The following IGF2R variants were observed in gnomAD, a reference collection of about 807,000 sequenced individuals.
IGF2R encodes insulin like growth factor 2 receptor, also known as cation-independent mannose-6-phosphate receptor.
Under a neutral mutation model 270.6 loss-of-function variants are expected in IGF2R, and 91 were observed. That is an observed-to-expected ratio of 0.34 (90% CI 0.28 to 0.40). IGF2R has a LOEUF of 0.40. IGF2R is among the 10% of genes least tolerant of loss of function. The pLI, the probability that IGF2R is intolerant of heterozygous loss-of-function variation, is 1.00. For synonymous variants in IGF2R, 1,316 were observed against 1,258.9 expected (o/e 1.05, Z -0.96); for missense variants, 2,805 against 3,188.3 (o/e 0.88, Z 2.90).
rs1778681024 is a variant in IGF2R at position 160,070,037 on chromosome 6, C to T, written c.4422C>T (p.Phe1474=). The T allele has an allele frequency of 6.2e-7, 1 of 1,614,206 alleles. No homozygotes were observed. ...GIRKKSTTIR[F]TCSESQVNSR... is the part of the protein sequence containing the mutation. ...GGAAAAAGTCAACCACCATCCGATT[C>T]ACCTGCAGCGAGAGCCAAGTGGTAA... The change falls in exon 31 of 48, where the codon TTC becomes TTT. Residue 1474 remains phenylalanine, a synonymous_variant. Coordinates refer to ENST00000356956, the MANE Select transcript of IGF2R (RefSeq NM_000876.4).
intron 2 of IGF2R, among the ~76,000 whole-genome samples, chr6:160,001,823 C>A (rs955992597): frequency 2.0e-5 from 3 of 152,082 alleles, no homozygotes; most frequent in Non-Finnish European, 4.4e-5. Flanking sequence ...ATATTTGGTC[C>A]CATTTGCAAC....
chr6:159,975,799 GT>G (rs1188755439), intron 1 of IGF2R, among the ~76,000 whole-genome samples: 4 of 145,554 alleles, frequency 2.7e-5, no homozygotes, highest in Admixed American at 2.1e-4. Context: ...ATAATATATA[GT>G]TATATATAAT....
At position 160,027,215 on chromosome 6, in the gene IGF2R, G is replaced by A. The variant is rs572853661; in HGVS notation, c.677G>A (p.Arg226Gln). The A allele has an allele frequency of 2.6e-5, 42 of 1,614,220 alleles. No homozygotes were observed. The highest frequency in any genetic ancestry group is 9.3e-5 in the African/African-American group (7 of 75,050). The change falls in exon 6 of 48, where the codon CGG (arginine) becomes CAG (glutamine). Residue 226 changes from arginine to glutamine, a missense_variant. By Grantham distance (43) the Arg-to-Gln change is conservative. Coordinates refer to ENST00000356956, the MANE Select transcript of IGF2R (RefSeq NM_000876.4). ...CTACGAGACCCAGGTTCACAGCTGC[G>A]GGCCTGTCCCCCCGGCACTGCCGCC... is the stretch of plus-strand genomic sequence containing the variant. ...DTLRDPGSQL[R>Q]ACPPGTAACL...
At chr6:160,072,665 C>A in intron 32 of IGF2R, 100 bp from the exon 33 acceptor site, 1 of 1,346,032 alleles carries the variant, frequency 7.4e-7, no homozygotes, top group Middle Eastern at 1.8e-4. Context: ...AGTCAGAAGT[C>A]CCGATGCTGA....
chr6:160,054,591 C>T (rs1242926266), intron 19 of IGF2R, among the ~76,000 whole-genome samples: 2 of 152,088 alleles, frequency 1.3e-5, no homozygotes, highest in African/African-American at 4.8e-5. Context: ...TAGTGGTTAA[C>T]GAGGAAAGGG....
rs1449500077 is a variant in IGF2R at position 160,079,699 on chromosome 6, T to C, written c.5598T>C (p.Phe1866=). 1 of 1,526,518 alleles carries C rather than the reference T, an allele frequency of 6.6e-7. No individual in the cohort carries two copies. The highest frequency in any genetic ancestry group is 8.8e-7 in the Non-Finnish European group (1 of 1,138,860). 94.6% of individuals were successfully genotyped at this position (1,526,518 alleles called of 1,614,324 possible). Residue 1866 remains phenylalanine (F), a synonymous_variant, in exon 38 of 48, where the codon TTT becomes TTC. Transcript: ENST00000356956. ...CLLSGTKGAS[F]GRLQSMKLDY... ...TCTCAGGCACCAAGGGGGCATCCTTTGGACGGCTGCAATCAATGAAACTGG... is the reference window on the plus strand; with the variant it reads ...TCTCAGGCACCAAGGGGGCATCCTTCGGACGGCTGCAATCAATGAAACTGG...
At chr6:160,089,384 G>A (rs904649458) in intron 43 of IGF2R, 131 bp downstream of exon 43, 5 of 749,066 alleles carry the variant, frequency 6.7e-6, no homozygotes, top group Admixed American at 3.3e-5. Context: ...TGGAGTCATC[G>A]TCATCTTTTG....
At chr6:160,042,747 A>G (rs780684883) in intron 11 of IGF2R, among the ~76,000 whole-genome samples, 1 of 152,276 alleles carries the variant, frequency 6.6e-6, no homozygotes, top group Middle Eastern at 3.4e-3. Context: ...AGCGGGGTGT[A>G]TTAGCAATGG....
intron 2 of IGF2R, among the ~76,000 whole-genome samples, chr6:159,995,673 T>C (rs1466532745): frequency 6.6e-6 from 1 of 152,140 alleles, no homozygotes; most frequent in Non-Finnish European, 1.5e-5. Flanking sequence ...TTCTGGAATT[T>C]CTGTCTGGTT....
chr6:159,979,967 G>A (rs1229004205), intron 1 of IGF2R, among the ~76,000 whole-genome samples: 2 of 152,086 alleles, frequency 1.3e-5, no homozygotes, highest in Non-Finnish European at 2.9e-5. Flanking sequence ...CGAGGCGGGT[G>A]GATCACGAGG....
At chr6:159,989,713 G>A (rs891746443) in intron 1 of IGF2R, among the ~76,000 whole-genome samples, 2 of 152,194 alleles carry the variant, frequency 1.3e-5, no homozygotes, top group African/African-American at 2.4e-5. Context: ...ATACAGGCAC[G>A]AGCCACTGGC....
chr6:160,020,607 A>G (rs1037293451), intron 4 of IGF2R, among the ~76,000 whole-genome samples: 9 of 152,224 alleles, frequency 5.9e-5, no homozygotes, highest in Non-Finnish European at 1.0e-4. Context: ...ACACAGATTA[A>G]TGGAACAGAA....
chr6:160,029,684 G>T, intron 7 of IGF2R, 29 bp downstream of exon 7: 1 of 1,497,720 alleles, frequency 6.7e-7, no homozygotes, highest in Non-Finnish European at 9.3e-7. Context: ...GATCACTAAT[G>T]TGGCGCACAG....
At chr6:160,055,884 A>T (rs1778305199) in intron 19 of IGF2R, among the ~76,000 whole-genome samples, 1 of 152,122 alleles carries the variant, frequency 6.6e-6, no homozygotes, top group Non-Finnish European at 1.5e-5. Flanking sequence ...TTATGGAAAC[A>T]TACACACCGA....
chr6:160,064,806 A>G lies in IGF2R; in HGVS notation c.4020A>G (p.Pro1340=), dbSNP rs141941624. 1.2e-6 allele frequency: 2 copies of G among 1,607,720 alleles called. No individual in the cohort carries two copies. The highest frequency in any genetic ancestry group is 2.7e-5 in the African/African-American group (2 of 74,826). ...FFYCDRGTQR[P]VFLKETSDCS... Reference sequence around the variant, plus strand: ...TATGTGCCTCTTAACTTTTTTAGCCAGTATTTCTAAAGGAGACTTCAGATT... The same window carrying G: ...TATGTGCCTCTTAACTTTTTTAGCCGGTATTTCTAAAGGAGACTTCAGATT... Residue 1340 remains proline, a splice_region_variant and synonymous_variant, in exon 29 of 48, where the codon CCA becomes CCG. Transcript: ENST00000356956.
At chr6:159,970,056 A>G (rs933176228) in intron 1 of IGF2R, among the ~76,000 whole-genome samples, 9 of 151,918 alleles carry the variant, frequency 5.9e-5, no homozygotes, top group East Asian at 1.9e-4. Flanking sequence ...TCTGAGCCCA[A>G]CTTCCTGCCT....
intron 2 of IGF2R, among the ~76,000 whole-genome samples, chr6:159,992,417 C>T (rs998402985): frequency 6.6e-6 from 1 of 152,084 alleles, no homozygotes; most frequent in Non-Finnish European, 1.5e-5. Flanking sequence ...CTGTCCGTGT[C>T]CATGTGTACC....
chr6:160,029,142 A>G (rs968416355), intron 6 of IGF2R, among the ~76,000 whole-genome samples: 8 of 152,158 alleles, frequency 5.3e-5, no homozygotes, highest in Admixed American at 5.2e-4. Flanking sequence ...TACCATGCCC[A>G]GCTAATTTTT....
At chr6:160,036,168 G>C (rs1292123912) in intron 10 of IGF2R, among the ~76,000 whole-genome samples, 1 of 152,178 alleles carries the variant, frequency 6.6e-6, no homozygotes, top group Non-Finnish European at 1.5e-5. Context: ...GCAGGGGTAT[G>C]ACATACATCT....
Sources: allele counts gnomAD v4.1 joint callset (sites outside exome capture counted in the v4.1 genomes callset), GRCh38; gene constraint gnomAD v4.1.1; transcripts MANE v1.5; gene names NCBI Gene and HGNC (gene_info 2026-07-23, HGNC 2026-07-21).